The following PPP1R12B variants were observed in gnomAD, a reference collection of about 807,000 sequenced individuals.
The protein encoded by PPP1R12B is myosin phosphatase target subunit 2.
In PPP1R12B, 76 loss-of-function variants were observed where a neutral mutation model predicts 126.1. The observed-to-expected ratio is 0.60, with a 90% CI of 0.50 to 0.73. The LOEUF is 0.73. Among genes scored for constraint, PPP1R12B ranks in the 30% least tolerant of loss-of-function variants. The probability of loss-of-function intolerance (pLI) is 0.00; values close to 1 mark genes in which losing one functional copy is unlikely to be tolerated. For missense variants in PPP1R12B, 1,052 were observed against 1,205.1 expected (o/e 0.87, Z 1.88); for synonymous variants, 356 against 434.7 (o/e 0.82, Z 2.25).
At chr1:202,401,499 C>A (rs1163172749) in intron 1 of PPP1R12B, among the ~76,000 whole-genome samples, 1 of 140,410 alleles carries the variant, frequency 7.1e-6, no homozygotes, top group Non-Finnish European at 1.5e-5. Flanking sequence ...TGGCTCTTTA[C>A]AGAGAAAGTT....
chr1:202,549,252 A>C (rs1572472069), intron 18 of PPP1R12B, among the ~76,000 whole-genome samples: 1 of 152,082 alleles, frequency 6.6e-6, no homozygotes, highest in Non-Finnish European at 1.5e-5. Context: ...ATTTTTCATG[A>C]CCACCCAGTT....
intron 1 of PPP1R12B, among the ~76,000 whole-genome samples, chr1:202,389,926 CAAA>C (rs35190931): frequency 5.2e-5 from 5 of 95,828 alleles, no homozygotes; most frequent in Admixed American, 1.1e-4. Flanking sequence ...GACTCTGTCT[CAAA>C]AAAAAAAAAA....
intron 18 of PPP1R12B, among the ~76,000 whole-genome samples, chr1:202,547,520 G>A (rs1186329008): frequency 2.0e-5 from 3 of 152,176 alleles, no homozygotes; most frequent in African/African-American, 7.2e-5. Flanking sequence ...AGGTCATTAT[G>A]AAAGCAACAT....
intron 1 of PPP1R12B, among the ~76,000 whole-genome samples, chr1:202,416,524 C>CA (rs1487397393): frequency 6.6e-3 from 278 of 41,836 alleles, no homozygotes; most frequent in South Asian, 0.046. Flanking sequence ...GAAACTCTGT[C>CA]TAAAAAAAAA....
chr1:202,509,920 A>G (rs1681241622), intron 18 of PPP1R12B, among the ~76,000 whole-genome samples: 1 of 152,222 alleles, frequency 6.6e-6, no homozygotes, highest in South Asian at 2.1e-4. Context: ...GAAAACTGAC[A>G]TTAATATGTC....
intron 9 of PPP1R12B, among the ~76,000 whole-genome samples, chr1:202,437,305 T>C (rs1311732534): frequency 6.6e-6 from 1 of 151,462 alleles, no homozygotes; most frequent in Non-Finnish European, 1.5e-5. Flanking sequence ...CACTCCAGCC[T>C]CGGTGATAAG....
At chr1:202,496,926 G>A in intron 18 of PPP1R12B, 104 bp downstream of exon 18, 1 of 1,206,480 alleles carries the variant, frequency 8.3e-7, no homozygotes, top group Non-Finnish European at 1.2e-6. Context: ...TTTTAGTTGA[G>A]AAGGAGTTTG....
rs543748438 is a variant in PPP1R12B at position 202,565,855 on chromosome 1, G to A, written c.2757+1308G>A. ...AGCTATAGCCCTGCCATAAGGCAGC[G>A]GGGTGGACTGAATAAATCTCACTCC... On this transcript the variant is annotated intron_variant, in intron 21 of 23. Transcript: ENST00000608999. The surrounding 1 kb of genome is among the most constrained non-coding windows in gnomAD (Gnocchi z 4.3). Among the ~76,000 whole-genome samples, 32 of 152,084 alleles carry A rather than the reference G, an allele frequency of 2.1e-4. No individual in the cohort carries two copies. Among genetic ancestry groups the A allele is most frequent in the South Asian group, 1.2e-3 (6 of 4,820 alleles).
At position 202,584,241 on chromosome 1, in the gene PPP1R12B, G is replaced by A. The variant is rs1689696235; in HGVS notation, c.*3681G>A. 1 of 152,146 alleles carries A rather than the reference G, an allele frequency of 6.6e-6. No homozygotes were observed. Among genetic ancestry groups the A allele is most frequent in the South Asian group, 2.1e-4 (1 of 4,832 alleles). 9.4% of individuals were successfully genotyped at this position (152,146 alleles called of 1,614,324 possible). On this transcript the variant is annotated 3_prime_UTR_variant, in exon 24 of 24. Coordinates refer to ENST00000608999, the MANE Select transcript of PPP1R12B (RefSeq NM_002481.4). ...TTTACTTCTCTTCTGGGCTTCCCCT[G>A]GTTTCTGTCCTAGTTCCCACCCCAA...
intron 18 of PPP1R12B, chr1:202,540,388 A>G (rs1245148625): frequency 1.8e-6 from 1 of 554,644 alleles, no homozygotes. Flanking sequence ...GCAAGTAAAG[A>G]CCCTGTAAGT....
rs747939153 is a variant in PPP1R12B at position 202,496,831 on chromosome 1, C to G, written c.2490+9C>G. The G allele has an allele frequency of 2.5e-6, 4 of 1,608,170 alleles. No individual in the cohort carries two copies. The highest frequency in any genetic ancestry group is 3.4e-6 in the Non-Finnish European group (4 of 1,175,502). On this transcript the variant is annotated intron_variant, in intron 18 of 23. Coordinates refer to ENST00000608999, the MANE Select transcript of PPP1R12B (RefSeq NM_002481.4). ...AGGTCAAAGAAACGTGGGTAAGTGA[C>G]AAGCCAGTGAAGCATGTCTCTTGAG...
intron 13 of PPP1R12B, among the ~76,000 whole-genome samples, chr1:202,471,370 C>G (rs1675856741): frequency 6.6e-6 from 1 of 150,450 alleles, no homozygotes; most frequent in African/African-American, 2.4e-5. Flanking sequence ...TCCCCTAATA[C>G]TAATGATGCT....
At chr1:202,509,834 A>C (rs956887325) in intron 18 of PPP1R12B, among the ~76,000 whole-genome samples, 1 of 152,148 alleles carries the variant, frequency 6.6e-6, no homozygotes, top group Non-Finnish European at 1.5e-5. Context: ...GCTTGAAATG[A>C]TAGTTAGGAG....
At chr1:202,519,118 A>G (rs907932901) in intron 18 of PPP1R12B, among the ~76,000 whole-genome samples, 3 of 152,170 alleles carry the variant, frequency 2.0e-5, no homozygotes, top group Admixed American at 1.3e-4. Context: ...GACCTATAAA[A>G]TCTGAATCAG....
intron 13 of PPP1R12B, among the ~76,000 whole-genome samples, chr1:202,479,924 A>G (rs1245776757): frequency 2.6e-5 from 4 of 152,206 alleles, no homozygotes; most frequent in Non-Finnish European, 5.9e-5. Context: ...AGGGGGAAAA[A>G]ATATCCTCTC....
At chr1:202,461,347 G>A (rs913576464) in intron 13 of PPP1R12B, among the ~76,000 whole-genome samples, 1 of 152,072 alleles carries the variant, frequency 6.6e-6, no homozygotes, top group Non-Finnish European at 1.5e-5. Flanking sequence ...AATAATTTAC[G>A]AGTAACCTAG....
intron 18 of PPP1R12B, among the ~76,000 whole-genome samples, chr1:202,556,662 T>A (rs1433942752): frequency 6.6e-6 from 1 of 152,196 alleles, no homozygotes; most frequent in Non-Finnish European, 1.5e-5. Context: ...CCATAGCACG[T>A]ATTCTCATGT....
In PPP1R12B at chr1:202,405,675, C is replaced by T. The variant is rs553702246; in HGVS notation, c.292-11112C>T. ...GAACCTGAAGCAGACAGAAATAACT[C>T]GTCCCAAGAACACAAAACTACTTAA... is the stretch of plus-strand genomic sequence containing the variant. On this transcript the variant is annotated intron_variant, in intron 1 of 23. Coordinates refer to ENST00000608999, the MANE Select transcript of PPP1R12B (RefSeq NM_002481.4). Among the ~76,000 whole-genome samples the T allele has an allele frequency of 5.1e-4, 78 of 152,260 alleles. 2 individuals carry two copies. The highest frequency in any genetic ancestry group is 1.8e-3 in the Admixed American group (27 of 15,294).
chr1:202,459,194 A>T (rs1214853700), intron 13 of PPP1R12B, among the ~76,000 whole-genome samples: 2 of 152,256 alleles, frequency 1.3e-5, no homozygotes, highest in Non-Finnish European at 2.9e-5. Flanking sequence ...AATAGTAATA[A>T]ACATGGAAAT....
Sources: allele counts gnomAD v4.1 joint callset (sites outside exome capture counted in the v4.1 genomes callset), GRCh38; gene constraint gnomAD v4.1.1; non-coding constraint Gnocchi (gnomAD v3.1); transcripts MANE v1.5; gene names NCBI Gene and HGNC (gene_info 2026-07-23, HGNC 2026-07-21).